PTPRD: variants seen among roughly 807,000 people sequenced by gnomAD.
PTPRD encodes the protein protein tyrosine phosphatase receptor type D, also known as receptor-type tyrosine-protein phosphatase delta.
Under a neutral mutation model 214.5 loss-of-function variants are expected in PTPRD, and 34 were observed. That is an observed-to-expected ratio of 0.16 (90% CI 0.12 to 0.21). The LOEUF is 0.21. PTPRD is among the 10% of genes least tolerant of loss of function. The pLI is 1.00. For synonymous variants in PTPRD, 1,128 were observed against 845.7 expected (o/e 1.33, Z -5.79); for missense variants, 2,545 against 2,398.7 (o/e 1.06, Z -1.27).
At chr9:8,322,540 A>T (rs764183463) in intron 44 of PTPRD, among the ~76,000 whole-genome samples, 12 of 152,192 alleles carry the variant, frequency 7.9e-5, no homozygotes, top group Non-Finnish European at 1.6e-4. Context: ...AACTCTCTTC[A>T]ATTCTATGAA....
chr9:10,469,742 A>G (rs1156482933), intron 2 of PTPRD, among the ~76,000 whole-genome samples: 1 of 152,152 alleles, frequency 6.6e-6, no homozygotes, highest in African/African-American at 2.4e-5. Context: ...ACAGTAGCCA[A>G]TATATAGAAC....
chr9:10,384,866 CTTG>C (rs1259316514), intron 2 of PTPRD, among the ~76,000 whole-genome samples: 15 of 151,384 alleles, frequency 9.9e-5, no homozygotes, highest in African/African-American at 3.4e-4. Flanking sequence ...TAAAATTGTT[CTTG>C]TTGTTTCTTA....
rs970746655 is a variant in PTPRD, at chr9:9,839,082, T to C, written c.-367-72231A>G. On this transcript the variant is annotated intron_variant, in intron 5 of 45. Transcript: ENST00000381196. ...GTCAAAGATCAGATAGTTGTAGATA[T>C]GCGGCGTTATTTTTGAGGGCTCTGT... is the stretch of plus-strand genomic sequence containing the variant. 6.0e-4 allele frequency among the ~76,000 whole-genome samples: 92 copies of C among 152,320 alleles called. 1 individual carries two copies. Among genetic ancestry groups the C allele is most frequent in the Middle Eastern group, 3.4e-3 (1 of 294 alleles).
intron 4 of PTPRD, among the ~76,000 whole-genome samples, chr9:10,016,288 G>A (rs1328112267): frequency 1.3e-5 from 2 of 152,024 alleles, no homozygotes; most frequent in African/African-American, 4.8e-5. Context: ...ATTTACAGTA[G>A]TGAGTTATAA....
At chr9:8,327,494 A>C (rs544079182) in intron 44 of PTPRD, among the ~76,000 whole-genome samples, 1 of 152,286 alleles carries the variant, frequency 6.6e-6, no homozygotes, top group South Asian at 2.1e-4. Flanking sequence ...TGGTGCTGAG[A>C]AGAATGTATA....
chr9:9,194,603 T>A, intron 9 of PTPRD, among the ~76,000 whole-genome samples: 1 of 152,124 alleles, frequency 6.6e-6, no homozygotes, highest in Non-Finnish European at 1.5e-5. Context: ...AAGCAGAACA[T>A]GACTGTATTG....
chr9:9,203,230 GAC>G (rs144446079), intron 9 of PTPRD, among the ~76,000 whole-genome samples: 1 of 150,358 alleles, frequency 6.7e-6, no homozygotes, highest in South Asian at 2.1e-4. Flanking sequence ...GACTCCATCA[GAC>G]ACACACACAC....
intron 11 of PTPRD, among the ~76,000 whole-genome samples, chr9:8,988,407 T>C (rs989865636): frequency 6.6e-6 from 1 of 152,078 alleles, no homozygotes; most frequent in African/African-American, 2.4e-5. Flanking sequence ...TATTTTTCTT[T>C]AAGAAAAACC....
chr9:9,286,978 C>T (rs1569567075), intron 9 of PTPRD, among the ~76,000 whole-genome samples: 1 of 136,356 alleles, frequency 7.3e-6, no homozygotes, highest in East Asian at 2.2e-4. Flanking sequence ...GTAATGCCAG[C>T]ATTTGGAAGG....
At chr9:8,716,089 C>T (rs368389715) in intron 12 of PTPRD, among the ~76,000 whole-genome samples, 1 of 152,150 alleles carries the variant, frequency 6.6e-6, no homozygotes, top group Non-Finnish European at 1.5e-5. Context: ...GCTCCAGCAA[C>T]CAAGCTATTT....
At chr9:9,420,110 T>TAACA (rs149928681) in intron 8 of PTPRD, among the ~76,000 whole-genome samples, 10 of 34,866 alleles carry the variant, frequency 2.9e-4, no homozygotes, top group Non-Finnish European at 7.0e-4. Context: ...CCAGACACTA[T>TAACA]AATATTTATA....
At position 9,794,244 on chromosome 9, in the gene PTPRD, G is replaced by T. The variant is rs970730997; in HGVS notation, c.-367-27393C>A. On this transcript the variant is annotated intron_variant, in intron 5 of 45. Transcript: ENST00000381196. ...ACGTACATATACATATATATATATGGTGTTCCAAAAAGTACAAATTACAGT... is the reference window on the plus strand; with the variant it reads ...ACGTACATATACATATATATATATGTTGTTCCAAAAAGTACAAATTACAGT... Among the ~76,000 whole-genome samples, 11 of 150,384 alleles carry T rather than the reference G, an allele frequency of 7.3e-5. No individual in the cohort carries two copies. The Admixed American group carries it at 7.3e-4, about 10-fold the overall frequency.
chr9:10,190,595 G>A (rs572972221), intron 3 of PTPRD, among the ~76,000 whole-genome samples: 47 of 151,122 alleles, frequency 3.1e-4, no homozygotes, highest in African/African-American at 9.7e-4. Flanking sequence ...GTGGGCGCCT[G>A]TAATTCCAAC....
At chr9:8,431,300 C>T (rs10977090) in intron 35 of PTPRD, among the ~76,000 whole-genome samples, 6,001 of 152,066 alleles carry the variant, frequency 0.039, 393 homozygotes, top group African/African-American at 0.14. Flanking sequence ...AAAAAGAAGA[C>T]GCTGGCTTGT....
intron 12 of PTPRD, among the ~76,000 whole-genome samples, chr9:8,643,216 T>G (rs1307485137): frequency 6.6e-6 from 1 of 152,220 alleles, no homozygotes; most frequent in African/African-American, 2.4e-5. Flanking sequence ...AACTGCTCCT[T>G]GAGTTCCATG....
chr9:10,436,142 A>G (rs1284225764), intron 2 of PTPRD, among the ~76,000 whole-genome samples: 1 of 151,858 alleles, frequency 6.6e-6, no homozygotes, highest in African/African-American at 2.4e-5. Context: ...TTTAGAACAC[A>G]TTAGAAGATG....
intron 9 of PTPRD, among the ~76,000 whole-genome samples, chr9:9,396,247 G>A (rs1014618814): frequency 6.6e-6 from 1 of 151,968 alleles, no homozygotes; most frequent in Non-Finnish European, 1.5e-5. Context: ...GTCCCTTGGG[G>A]AGCCGTCAAA....
At chr9:10,414,389 T>C (rs1050490053) in intron 2 of PTPRD, among the ~76,000 whole-genome samples, 4 of 151,954 alleles carry the variant, frequency 2.6e-5, no homozygotes, top group African/African-American at 9.7e-5. Context: ...CACAGTGAGA[T>C]ACCATCTCAC....
At chr9:10,211,085 T>C (rs2099514976) in intron 3 of PTPRD, among the ~76,000 whole-genome samples, 1 of 151,980 alleles carries the variant, frequency 6.6e-6, no homozygotes, top group Middle Eastern at 3.4e-3. Flanking sequence ...ATATTTAATA[T>C]ATCTTGGGAA....
Sources: gnomAD v4.1 joint callset for allele counts (sites outside exome capture counted in the v4.1 genomes callset) on GRCh38, gnomAD v4.1.1 for gene constraint, MANE v1.5 for transcripts, NCBI Gene and HGNC (gene_info 2026-07-23, HGNC 2026-07-21) for gene names.